POLA1: variants seen among roughly 807,000 people sequenced by gnomAD.
The protein encoded by POLA1 is DNA polymerase alpha 1, catalytic subunit, also known as DNA polymerase alpha catalytic subunit.
A neutral mutation model predicts 124.0 loss-of-function variants in POLA1; 15 were observed. The ratio of observed to expected loss-of-function variants is 0.12; its 90% CI spans 0.08 to 0.19. POLA1 has a LOEUF of 0.19. Ranked by LOEUF, POLA1 falls within the 10% of genes least tolerant of loss-of-function variation. The pLI, the probability that POLA1 is intolerant of heterozygous loss-of-function variation, is 1.00. For missense variants in POLA1, 886 were observed against 1,103.4 expected (o/e 0.80, Z 2.79); for synonymous variants, 408 against 389.4 (o/e 1.05, Z -0.56).
intron 22 of POLA1, 70 bp downstream of exon 22, chrX:24,742,191 T>A: frequency 1.2e-6 from 1 of 846,401 alleles, no homozygotes; most frequent in Non-Finnish European, 1.6e-6. Flanking sequence ...CTAGATAGCC[T>A]TTTTTTTCTG....
intron 4 of POLA1, 48 bp downstream of exon 4, chrX:24,704,517 T>G (rs1457252458): frequency 1.1e-6 from 1 of 869,895 alleles, no homozygotes; most frequent in Admixed American, 2.3e-5. Context: ...TTTAAAGAAT[T>G]CTCTAAAATT....
chrX:24,746,686 A>AT (rs1448255087), intron 24 of POLA1, among the ~76,000 whole-genome samples: 2 of 112,109 alleles, frequency 1.8e-5, no homozygotes, highest in South Asian at 7.5e-4. Context: ...CTGTAAATAA[A>AT]TTAGAATGTG....
intron 31 of POLA1, among the ~76,000 whole-genome samples, chrX:24,822,425 T>TA (rs752659772): frequency 1.8e-5 from 2 of 112,827 alleles, no homozygotes; most frequent in African/African-American, 6.4e-5. Flanking sequence ...GTTGTTACAG[T>TA]AAAAAAATGT....
At chrX:24,917,687 G>A (rs2047554370) in intron 35 of POLA1, among the ~76,000 whole-genome samples, 1 of 111,787 alleles carries the variant, frequency 8.9e-6, no homozygotes, top group African/African-American at 3.2e-5. Context: ...GGTTAGGATA[G>A]AGAGTCTGTG....
At chrX:24,848,452 T>C (rs2046504655) in intron 34 of POLA1, among the ~76,000 whole-genome samples, 1 of 111,882 alleles carries the variant, frequency 8.9e-6, no homozygotes, top group African/African-American at 3.3e-5. Context: ...GTAGGATGTT[T>C]TGTAGTGTAT....
intron 2 of POLA1, 99 bp downstream of exon 2, chrX:24,699,648 A>C: frequency 6.0e-6 from 4 of 663,447 alleles, no homozygotes; most frequent in Non-Finnish European, 6.3e-6. Context: ...AGAAATACTC[A>C]TATATTTTAA....
Position 24,755,254 on chromosome X carries a change from T to C in POLA1, c.2964+6262T>C, listed in dbSNP as rs1280361311. Among the ~76,000 whole-genome samples, 10 of 112,486 alleles carry C rather than the reference T, an allele frequency of 8.9e-5. No homozygotes were observed. The East Asian group carries it at 2.2e-3, about 25-fold the overall frequency. The stretch of plus-strand genomic sequence containing the variant: ...AAGAGAATTGGAAAGGATTTTGATA[T>C]ACAATTTTGCTTCTTTGAATTTTTG... On this transcript the variant is annotated intron_variant, in intron 26 of 36. Coordinates refer to ENST00000379068, the MANE Select transcript of POLA1 (RefSeq NM_001330360.2).
chrX:24,809,397 C>T (rs1352117803), intron 26 of POLA1, among the ~76,000 whole-genome samples: 1 of 111,469 alleles, frequency 9.0e-6, no homozygotes, highest in African/African-American at 3.3e-5. Flanking sequence ...TTCTTGAGCC[C>T]CACCTTTTTA....
chrX:24,979,576 T>C (rs1238553400), intron 36 of POLA1, among the ~76,000 whole-genome samples: 3 of 112,448 alleles, frequency 2.7e-5, no homozygotes, highest in African/African-American at 9.7e-5. Context: ...TGGTTTGATT[T>C]GACCCATGGT....
chrX:24,990,186 A>G (rs781733051), intron 36 of POLA1, among the ~76,000 whole-genome samples: 36 of 112,558 alleles, frequency 3.2e-4, no homozygotes, highest in Non-Finnish European at 6.0e-4. Flanking sequence ...ATAATAAAAT[A>G]TAATGTAAAA....
At chrX:24,969,455 C>T (rs1463170003) in intron 36 of POLA1, among the ~76,000 whole-genome samples, 2 of 109,989 alleles carry the variant, frequency 1.8e-5, no homozygotes, top group African/African-American at 6.6e-5. Context: ...AGATACCATG[C>T]AATTGTATAC....
intron 26 of POLA1, among the ~76,000 whole-genome samples, chrX:24,793,382 A>C (rs1402010997): frequency 1.8e-5 from 2 of 110,068 alleles, no homozygotes; most frequent in Non-Finnish European, 3.8e-5. Flanking sequence ...GACATTTCAA[A>C]ACTGCTTTTT....
chrX:24,729,225 C>G (rs181599707), intron 15 of POLA1, among the ~76,000 whole-genome samples: 220 of 111,741 alleles, frequency 2.0e-3, no homozygotes, highest in Non-Finnish European at 2.9e-3. Context: ...TTGTGGGGTA[C>G]TGTCCTGGGC....
At chrX:24,820,418 T>G (rs1361931479) in intron 30 of POLA1, among the ~76,000 whole-genome samples, 1 of 111,986 alleles carries the variant, frequency 8.9e-6, no homozygotes, top group African/African-American at 3.2e-5. Context: ...CTCTTGTCTT[T>G]TGAAACCTAC....
intron 36 of POLA1, among the ~76,000 whole-genome samples, chrX:24,938,375 CA>C (rs1455387390): frequency 1.8e-5 from 2 of 111,600 alleles, no homozygotes; most frequent in African/African-American, 6.5e-5. Context: ...GAGATCGCAC[CA>C]TAGCACTCCA....
intron 29 of POLA1, among the ~76,000 whole-genome samples, chrX:24,813,710 A>AGGCT (rs1353314306): frequency 3.9e-4 from 41 of 106,311 alleles, no homozygotes; most frequent in African/African-American, 1.4e-3. Flanking sequence ...GCTACTGGGG[A>AGGCT]GGCTGAGGCA....
intron 35 of POLA1, among the ~76,000 whole-genome samples, chrX:24,897,047 CAG>C (rs1463567905): frequency 9.0e-6 from 1 of 111,317 alleles, no homozygotes; most frequent in African/African-American, 3.3e-5. Flanking sequence ...AGTACAGAAA[CAG>C]AAGATAGTAT....
intron 34 of POLA1, among the ~76,000 whole-genome samples, chrX:24,851,035 CTG>C (rs1355670023): frequency 8.9e-6 from 1 of 112,042 alleles, no homozygotes; most frequent in Non-Finnish European, 1.9e-5. Context: ...GGATACCAAA[CTG>C]TGCTGTGTTT....
chrX:24,800,687 G>C (rs1320977370), intron 26 of POLA1, among the ~76,000 whole-genome samples: 2 of 112,067 alleles, frequency 1.8e-5, no homozygotes, highest in African/African-American at 6.5e-5. Context: ...GTGAAAGGAA[G>C]GTTTCTTTAA....
Sources: gnomAD v4.1 joint callset for allele counts (sites outside exome capture counted in the v4.1 genomes callset) on GRCh38, gnomAD v4.1.1 for gene constraint, MANE v1.5 for transcripts, NCBI Gene and HGNC (gene_info 2026-07-23, HGNC 2026-07-21) for gene names.